Variants in CYP7B1 observed in about 807,000 individuals in gnomAD.
CYP7B1 encodes the protein cytochrome P450 family 7 subfamily B member 1, also known as cytochrome P450 7B1.
In CYP7B1, 29 loss-of-function variants were observed where a neutral mutation model predicts 42.7. That is an observed-to-expected ratio of 0.68 (90% CI 0.51 to 0.93). The LOEUF (loss-of-function observed/expected upper bound fraction) is 0.93. Among genes scored for constraint, CYP7B1 ranks in the 40% least tolerant of loss-of-function variants. CYP7B1 has a pLI of 0.00. For synonymous variants in CYP7B1, 235 were observed against 218.2 expected (o/e 1.08, Z -0.68); for missense variants, 655 against 600.5 (o/e 1.09, Z -0.95).
chr8:64,693,320 C>T (rs1187172119), intron 1 of CYP7B1, among the ~76,000 whole-genome samples: 2 of 151,948 alleles, frequency 1.3e-5, no homozygotes, highest in Admixed American at 6.6e-5. Flanking sequence ...TGTGTGTGTG[C>T]GGGTATGTAT....
intron 1 of CYP7B1, among the ~76,000 whole-genome samples, chr8:64,741,352 T>TCAA (rs1807564766): frequency 6.6e-6 from 1 of 152,076 alleles, no homozygotes; most frequent in Non-Finnish European, 1.5e-5. Context: ...ACAGTTTTGC[T>TCAA]CTTGTTGCCC....
At chr8:64,785,136 C>T (rs1585913544) in intron 1 of CYP7B1, among the ~76,000 whole-genome samples, 1 of 152,108 alleles carries the variant, frequency 6.6e-6, no homozygotes. Flanking sequence ...TATCAGGGAA[C>T]TGAAAATTAA....
At chr8:64,734,669 C>T (rs1807461125) in intron 1 of CYP7B1, among the ~76,000 whole-genome samples, 1 of 152,190 alleles carries the variant, frequency 6.6e-6, no homozygotes, top group Non-Finnish European at 1.5e-5. Context: ...GTCCTAGTAT[C>T]TAAAACCTAC....
In CYP7B1 at chr8:64,629,154, G is replaced by A. The variant is rs907916651; in HGVS notation, c.123-4615C>T. Among the ~76,000 whole-genome samples, 4 of 148,008 alleles carry A rather than the reference G, an allele frequency of 2.7e-5. No homozygotes were observed. The South Asian group carries it at 8.8e-4, about 32-fold the overall frequency. On this transcript the variant is annotated intron_variant, in intron 1 of 5. Coordinates refer to ENST00000310193, the MANE Select transcript of CYP7B1 (RefSeq NM_004820.5). ...AGGCAGGAGAATCGCTTGAACCTGTGAAGCAGAGGTTGCAGTGAGCTGAGA... is the reference window on the plus strand; with the variant it reads ...AGGCAGGAGAATCGCTTGAACCTGTAAAGCAGAGGTTGCAGTGAGCTGAGA...
intron 1 of CYP7B1, among the ~76,000 whole-genome samples, chr8:64,705,411 A>AAATG (rs1224467404): frequency 6.6e-6 from 1 of 152,014 alleles, no homozygotes; most frequent in African/African-American, 2.4e-5. Context: ...TGTGTTAAAT[A>AAATG]AATGAATGAA....
chr8:64,745,549 G>A (rs1031505615), intron 1 of CYP7B1, among the ~76,000 whole-genome samples: 1 of 152,040 alleles, frequency 6.6e-6, no homozygotes, highest in African/African-American at 2.4e-5. Context: ...ATTTTTTCAT[G>A]AAGGAAAATT....
chr8:64,596,830 C>T lies in CYP7B1; in HGVS notation c.1333G>A (p.Gly445Arg). 6.2e-7 allele frequency: 1 copy of T among 1,614,078 alleles called. No individual in the cohort carries two copies. Among genetic ancestry groups the T allele is most frequent in the Non-Finnish European group, 8.5e-7 (1 of 1,179,978 alleles). ...LKCYLMPFGT[G>R]TSKCPGRFFA... ...AATCGGCCTGGACATTTGCTGGTTC[C>T]AGTTCCAAACGGCATTAGGTAACAC... Residue 445 changes from glycine (G) to arginine (R), a missense_variant, in exon 6 of 6, where the codon GGA becomes AGA. By Grantham distance (125) the Gly-to-Arg change is moderately radical (BLOSUM62 -2). Coordinates refer to ENST00000310193, the MANE Select transcript of CYP7B1 (RefSeq NM_004820.5).
intron 1 of CYP7B1, among the ~76,000 whole-genome samples, chr8:64,744,840 A>C (rs1263251492): frequency 6.6e-6 from 1 of 152,188 alleles, no homozygotes; most frequent in African/African-American, 2.4e-5. Context: ...TAAACTATAC[A>C]TGTATGTATT....
chr8:64,721,640 G>A (rs750457893), intron 1 of CYP7B1, among the ~76,000 whole-genome samples: 8 of 151,980 alleles, frequency 5.3e-5, no homozygotes, highest in African/African-American at 9.7e-5. Context: ...GAAATTTACC[G>A]TCTTAAAAAT....
At chr8:64,792,645 A>G (rs936012162) in intron 1 of CYP7B1, among the ~76,000 whole-genome samples, 1 of 152,192 alleles carries the variant, frequency 6.6e-6, no homozygotes, top group Non-Finnish European at 1.5e-5. Context: ...GGAGAAACAA[A>G]TCTCTCAGGA....
downstream of CYP7B1, among the ~76,000 whole-genome samples, chr8:64,588,547 T>C (rs1804997500): frequency 6.6e-6 from 1 of 152,250 alleles, no homozygotes; most frequent in African/African-American, 2.4e-5. Context: ...TGGCCTAACC[T>C]CATTTTATAC....
rs924404687 is a variant in CYP7B1 at position 64,752,984 on chromosome 8, T to C, written c.122+45482A>G. 6.6e-5 allele frequency among the ~76,000 whole-genome samples: 10 copies of C among 151,474 alleles called. 1 individual carries two copies. Among genetic ancestry groups the C allele is most frequent in the Admixed American group, 2.6e-4 (4 of 15,160 alleles). On this transcript the variant is annotated intron_variant, in intron 1 of 5. Coordinates refer to ENST00000310193, the MANE Select transcript of CYP7B1 (RefSeq NM_004820.5). ...AAGTTGAGAGAACACACAGATAGCA[T>C]ACACACACACACACAATTAACAATC...
At chr8:64,622,341 T>C (rs17358602) in intron 2 of CYP7B1, among the ~76,000 whole-genome samples, 16,283 of 152,116 alleles carry the variant, frequency 0.11, 1,153 homozygotes, top group Non-Finnish European at 0.16. Context: ...CCAAGGCTGG[T>C]TGAAGGAAGA....
intron 1 of CYP7B1, among the ~76,000 whole-genome samples, chr8:64,682,405 C>A (rs1806552716): frequency 6.6e-6 from 1 of 152,208 alleles, no homozygotes; most frequent in Non-Finnish European, 1.5e-5. Context: ...AAGGCGCTAA[C>A]CTTTTTTACT....
At chr8:64,729,549 G>A (rs1728138999) in intron 1 of CYP7B1, among the ~76,000 whole-genome samples, 1 of 152,144 alleles carries the variant, frequency 6.6e-6, no homozygotes, top group South Asian at 2.1e-4. Flanking sequence ...AGTTATAAAT[G>A]TTAGAGAAAT....
intron 2 of CYP7B1, among the ~76,000 whole-genome samples, chr8:64,618,537 T>G (rs1805480553): frequency 6.6e-6 from 1 of 150,924 alleles, no homozygotes; most frequent in African/African-American, 2.5e-5. Flanking sequence ...ATTTTTGTTT[T>G]GTCTACAATC....
intron 1 of CYP7B1, among the ~76,000 whole-genome samples, chr8:64,645,093 T>A (rs1563375281): frequency 6.6e-6 from 1 of 151,604 alleles, no homozygotes; most frequent in Non-Finnish European, 1.5e-5. Context: ...CATGAACTCA[T>A]CATTTTTTAT....
chr8:64,739,505 T>C (rs1563410869), intron 1 of CYP7B1, among the ~76,000 whole-genome samples: 3 of 152,304 alleles, frequency 2.0e-5, no homozygotes, highest in African/African-American at 7.2e-5. Context: ...CTTCAATAAA[T>C]TCTCTAACTA....
intron 1 of CYP7B1, among the ~76,000 whole-genome samples, chr8:64,762,708 A>G (rs1266032581): frequency 2.0e-5 from 3 of 152,224 alleles, no homozygotes; most frequent in Non-Finnish European, 4.4e-5. Context: ...TTCACATAAA[A>G]GTTCAAATCT....
Sources: allele counts gnomAD v4.1 joint callset (sites outside exome capture counted in the v4.1 genomes callset), GRCh38; gene constraint gnomAD v4.1.1; transcripts MANE v1.5; gene names NCBI Gene and HGNC (gene_info 2026-07-23, HGNC 2026-07-21).